Variants in ZFAT observed in about 807,000 individuals in gnomAD.
ZFAT encodes the protein zinc finger protein ZFAT.
Under a neutral mutation model 117.7 loss-of-function variants are expected in ZFAT, and 64 were observed. The ratio of observed to expected loss-of-function variants is 0.54; its 90% CI spans 0.44 to 0.67. The LOEUF is 0.67. ZFAT is among the 30% of genes least tolerant of loss of function. The pLI is 0.00. For synonymous variants in ZFAT, 679 were observed against 615.0 expected (o/e 1.10, Z -1.54); for missense variants, 1,433 against 1,584.5 (o/e 0.90, Z 1.62).
chr8:134,676,059 G>A (rs1044148099), intron 1 of ZFAT, among the ~76,000 whole-genome samples: 2 of 152,030 alleles, frequency 1.3e-5, no homozygotes, highest in Non-Finnish European at 2.9e-5. Context: ...TAACCAGCCA[G>A]CATCATAATG....
upstream of ZFAT, among the ~76,000 whole-genome samples, chr8:134,715,470 CCA>C (rs1314015473): frequency 6.6e-6 from 1 of 152,202 alleles, no homozygotes; most frequent in African/African-American, 2.4e-5. Context: ...GTGGGGGAAT[CCA>C]GGTTCGTAAA....
the ZFAT span, among the ~76,000 whole-genome samples, chr8:134,726,305 G>A: frequency 1.3e-5 from 2 of 152,198 alleles, no homozygotes; most frequent in African/African-American, 4.8e-5. Flanking sequence ...CATGCTTCCA[G>A]GGCTTTGCAT....
At chr8:134,788,916 TC>T in the ZFAT span, among the ~76,000 whole-genome samples, 133 of 152,194 alleles carry the variant, frequency 8.7e-4, 3 homozygotes, top group East Asian at 0.024. Context: ...TGTTTTTTTT[TC>T]CCTATGCCAT....
At chr8:134,791,140 C>T in the ZFAT span, among the ~76,000 whole-genome samples, 1 of 152,190 alleles carries the variant, frequency 6.6e-6, no homozygotes, top group Non-Finnish European at 1.5e-5. Flanking sequence ...ATGTGCCTCA[C>T]ATTTTTAAGC....
chr8:134,625,957 G>C (rs1213385878), intron 3 of ZFAT, among the ~76,000 whole-genome samples: 1 of 152,184 alleles, frequency 6.6e-6, no homozygotes. Context: ...GCAACTGTAG[G>C]ATGAGGCCAC....
At chr8:134,719,888 T>C in the ZFAT span, among the ~76,000 whole-genome samples, 17 of 152,320 alleles carry the variant, frequency 1.1e-4, no homozygotes, top group Admixed American at 2.6e-4. Flanking sequence ...AGACAGTCTG[T>C]ACAATGGTGG....
intron 3 of ZFAT, among the ~76,000 whole-genome samples, chr8:134,630,039 T>C (rs1829779921): frequency 6.6e-6 from 1 of 152,098 alleles, no homozygotes; most frequent in Non-Finnish European, 1.5e-5. Flanking sequence ...AACACAGGAA[T>C]ATAGAGCCAC....
chr8:134,548,751 C>T (rs765960504), intron 11 of ZFAT, among the ~76,000 whole-genome samples: 7 of 152,158 alleles, frequency 4.6e-5, no homozygotes, highest in Non-Finnish European at 8.8e-5. Flanking sequence ...TCCCAGGGAA[C>T]TAATGTTCTA....
chr8:134,632,800 C>A (rs995290230), intron 3 of ZFAT, among the ~76,000 whole-genome samples: 1 of 151,944 alleles, frequency 6.6e-6, no homozygotes, highest in Non-Finnish European at 1.5e-5. Context: ...TATGATCATT[C>A]AAAGGTATAA....
At chr8:134,756,319 C>T in the ZFAT span, among the ~76,000 whole-genome samples, 4 of 152,190 alleles carry the variant, frequency 2.6e-5, no homozygotes, top group African/African-American at 9.7e-5. Flanking sequence ...ACTTTAGCCA[C>T]GTGCAGAGGC....
At chr8:134,514,789 CA>C (rs2130418073) in intron 13 of ZFAT, among the ~76,000 whole-genome samples, 1 of 152,282 alleles carries the variant, frequency 6.6e-6, no homozygotes, top group African/African-American at 2.4e-5. Context: ...CCAACTTCAG[CA>C]ATTATCAATC....
upstream of ZFAT, chr8:134,713,054 C>G (rs1044122660): frequency 1.8e-5 from 11 of 612,428 alleles, no homozygotes; most frequent in African/African-American, 7.8e-5. Flanking sequence ...CTCCTCCCCA[C>G]GGGGCGCAGA....
At chr8:134,817,583 C>G in the ZFAT span, among the ~76,000 whole-genome samples, 1 of 152,144 alleles carries the variant, frequency 6.6e-6, no homozygotes, top group African/African-American at 2.4e-5. Flanking sequence ...ATACCATGTT[C>G]ATGGGTCAGA....
the ZFAT span, among the ~76,000 whole-genome samples, chr8:134,749,818 C>T: frequency 6.6e-6 from 1 of 152,244 alleles, no homozygotes; most frequent in Admixed American, 6.5e-5. Context: ...TGTTTCATTG[C>T]TCAATTTTTA....
chr8:134,632,162 C>T (rs148302279), intron 3 of ZFAT, among the ~76,000 whole-genome samples: 34 of 152,288 alleles, frequency 2.2e-4, no homozygotes, highest in African/African-American at 7.7e-4. Flanking sequence ...CCTCTTTCTC[C>T]TCAGCCTACT....
chr8:134,648,312 A>G (rs1379589668), intron 2 of ZFAT, among the ~76,000 whole-genome samples: 1 of 151,938 alleles, frequency 6.6e-6, no homozygotes, highest in Non-Finnish European at 1.5e-5. Context: ...GACAGAAATA[A>G]TAATGCCTAG....
chr8:134,756,668 C>T, the ZFAT span, among the ~76,000 whole-genome samples: 1,236 of 152,338 alleles, frequency 8.1e-3, 7 homozygotes, highest in Non-Finnish European at 0.012. Context: ...GGGGCTGCCC[C>T]ACCTACAGTT....
chr8:134,828,035 A>G, the ZFAT span, among the ~76,000 whole-genome samples: 2 of 152,202 alleles, frequency 1.3e-5, no homozygotes, highest in East Asian at 1.9e-4. Context: ...CCTTTTTTAC[A>G]TGTATTTTTT....
chr8:134,701,404 G>A lies in ZFAT; in HGVS notation c.19+11441C>T, dbSNP rs115087912. On this transcript the variant is annotated intron_variant, in intron 1 of 15. Transcript: ENST00000377838. Reference sequence around the variant, plus strand: ...TTATTCTATGTATACATTACATTTTGCTTAGCCTTTCATCCCTTAGTTTGT... The same window carrying A: ...TTATTCTATGTATACATTACATTTTACTTAGCCTTTCATCCCTTAGTTTGT... Among the ~76,000 whole-genome samples the A allele has an allele frequency of 2.4e-3, 370 of 152,228 alleles. 3 individuals carry two copies. Among genetic ancestry groups the A allele is most frequent in the African/African-American group, 8.5e-3 (352 of 41,528 alleles).
Sources: gnomAD v4.1 joint callset for allele counts (sites outside exome capture counted in the v4.1 genomes callset) on GRCh38, gnomAD v4.1.1 for gene constraint, MANE v1.5 for transcripts, NCBI Gene and HGNC (gene_info 2026-07-23, HGNC 2026-07-21) for gene names.